OPCML: variants seen among roughly 807,000 people sequenced by gnomAD.
OPCML encodes opioid-binding protein/cell adhesion molecule.
A neutral mutation model predicts 37.8 loss-of-function variants in OPCML; 13 were observed. The observed-to-expected ratio is 0.34, with a 90% CI of 0.22 to 0.55. OPCML has a LOEUF of 0.55. Among genes scored for constraint, OPCML ranks in the 20% least tolerant of loss-of-function variants. The probability of loss-of-function intolerance (pLI) is 0.91; values close to 1 mark genes in which losing one functional copy is unlikely to be tolerated. For missense variants in OPCML, 341 were observed against 435.6 expected (o/e 0.78, Z 1.93); for synonymous variants, 176 against 168.8 (o/e 1.04, Z -0.33).
At chr11:133,479,244 C>T (rs768140548) in intron 1 of OPCML, among the ~76,000 whole-genome samples, 3 of 152,124 alleles carry the variant, frequency 2.0e-5, no homozygotes, top group Non-Finnish European at 4.4e-5. Context: ...CAAACTAAGG[C>T]CCAGGTGTCT....
chr11:133,370,581 T>G (rs1355653458), intron 1 of OPCML, among the ~76,000 whole-genome samples: 1 of 149,070 alleles, frequency 6.7e-6, no homozygotes, highest in Non-Finnish European at 1.5e-5. Context: ...AAAAAAAAAT[T>G]GAAAAGGACA....
intron 1 of OPCML, among the ~76,000 whole-genome samples, chr11:133,469,290 G>A (rs1277301206): frequency 1.3e-5 from 2 of 152,164 alleles, no homozygotes; most frequent in Non-Finnish European, 1.5e-5. Context: ...CCTTTTCTAT[G>A]TGTGGAGACA....
chr11:132,933,782 G>C (rs988360415), intron 2 of OPCML, among the ~76,000 whole-genome samples: 3 of 152,134 alleles, frequency 2.0e-5, no homozygotes, highest in Non-Finnish European at 2.9e-5. Flanking sequence ...ATGACAATTG[G>C]AAGAGGAATA....
At chr11:133,108,090 G>A (rs1369810478) in intron 1 of OPCML, among the ~76,000 whole-genome samples, 1 of 152,186 alleles carries the variant, frequency 6.6e-6, no homozygotes, top group Non-Finnish European at 1.5e-5. Flanking sequence ...GTTTATGGCA[G>A]GAGAGGGTTC....
chr11:133,155,488 T>C (rs911522127), intron 1 of OPCML, among the ~76,000 whole-genome samples: 4 of 152,086 alleles, frequency 2.6e-5, no homozygotes, highest in African/African-American at 9.7e-5. Context: ...CTGCAGTTTC[T>C]CCACCTTTTT....
chr11:133,017,070 G>C (rs188490868), intron 1 of OPCML, among the ~76,000 whole-genome samples: 1 of 152,142 alleles, frequency 6.6e-6, no homozygotes, highest in Non-Finnish European at 1.5e-5. Context: ...TAAGACCAAG[G>C]TGCCTGCAGG....
intron 1 of OPCML, among the ~76,000 whole-genome samples, chr11:133,517,344 A>T (rs1191099506): frequency 1.3e-5 from 2 of 152,260 alleles, no homozygotes; most frequent in African/African-American, 4.8e-5. Context: ...TTGCATGTGC[A>T]TGCCTAAAAT....
At chr11:133,087,070 G>T (rs1344695238) in intron 1 of OPCML, among the ~76,000 whole-genome samples, 1 of 152,172 alleles carries the variant, frequency 6.6e-6, no homozygotes, top group African/African-American at 2.4e-5. Context: ...AGATCATCGA[G>T]TTCAAACCTA....
Position 132,428,848 on chromosome 11 carries a change from A to C in OPCML, c.916+7238T>G, listed in dbSNP as rs183755956. 1.4e-4 allele frequency among the ~76,000 whole-genome samples: 21 copies of C among 152,348 alleles called. No homozygotes were observed. The East Asian group carries it at 4.0e-3, about 29-fold the overall frequency. ...ATGTGTCTAAAGCCATGTGTGGCTG[A>C]CACTCGATAGCTGGCAGCTTCTTCA... On this transcript the variant is annotated intron_variant, in intron 7 of 7. Transcript: ENST00000524381.
intron 1 of OPCML, among the ~76,000 whole-genome samples, chr11:133,187,597 G>T (rs1938140984): frequency 6.6e-6 from 1 of 152,054 alleles, no homozygotes; most frequent in African/African-American, 2.4e-5. Context: ...GGAGTATAAG[G>T]CATATGCCAA....
At chr11:133,207,054 G>A (rs370562622) in intron 1 of OPCML, among the ~76,000 whole-genome samples, 3 of 151,030 alleles carry the variant, frequency 2.0e-5, no homozygotes, top group East Asian at 3.9e-4. Context: ...TTGGGAGGCC[G>A]AGGCGGGCGG....
intron 2 of OPCML, among the ~76,000 whole-genome samples, chr11:132,798,243 G>C (rs560619712): frequency 6.6e-6 from 1 of 151,854 alleles, no homozygotes; most frequent in Non-Finnish European, 1.5e-5. Context: ...GCTAATTTTT[G>C]TATTTTTGGT....
intron 2 of OPCML, among the ~76,000 whole-genome samples, chr11:132,731,513 A>G (rs540112606): frequency 2.3e-4 from 35 of 152,320 alleles, no homozygotes; most frequent in African/African-American, 8.4e-4. Context: ...AGTTATGTCT[A>G]TATATGTTAA....
At chr11:133,398,423 T>G (rs1945332505) in intron 1 of OPCML, among the ~76,000 whole-genome samples, 1 of 152,186 alleles carries the variant, frequency 6.6e-6, no homozygotes, top group African/African-American at 2.4e-5. Flanking sequence ...ATCTGTCTTC[T>G]TTATACTCTG....
At chr11:133,392,468 AG>A (rs1263607085) in intron 1 of OPCML, among the ~76,000 whole-genome samples, 1 of 152,184 alleles carries the variant, frequency 6.6e-6, no homozygotes, top group Non-Finnish European at 1.5e-5. Context: ...AGGGTGAAAA[AG>A]GGCCAGAATC....
chr11:133,365,619 A>C (rs1944521744), intron 1 of OPCML: 1 of 152,174 alleles, frequency 6.6e-6, no homozygotes, highest in Non-Finnish European at 1.5e-5. Context: ...ATGGTAGGGT[A>C]AATGAATAGA....
intron 2 of OPCML, among the ~76,000 whole-genome samples, chr11:132,750,683 G>A (rs933528564): frequency 9.2e-5 from 14 of 152,068 alleles, no homozygotes; most frequent in African/African-American, 3.4e-4. Flanking sequence ...ATCCACGTAC[G>A]ATATTTTAAT....
intron 1 of OPCML, among the ~76,000 whole-genome samples, chr11:133,260,674 A>G (rs896530101): frequency 1.1e-4 from 16 of 149,614 alleles, no homozygotes; most frequent in Non-Finnish European, 2.2e-4. Flanking sequence ...GAAACTAAAA[A>G]TTAAATTAAA....
intron 1 of OPCML, among the ~76,000 whole-genome samples, chr11:133,237,041 A>G (rs763073108): frequency 3.3e-5 from 5 of 152,238 alleles, no homozygotes; most frequent in Admixed American, 2.0e-4. Context: ...GTTTCTTTAC[A>G]GCACCGAGGA....
Sources: gnomAD v4.1 joint callset for allele counts (sites outside exome capture counted in the v4.1 genomes callset) on GRCh38, gnomAD v4.1.1 for gene constraint, MANE v1.5 for transcripts, NCBI Gene and HGNC (gene_info 2026-07-23, HGNC 2026-07-21) for gene names.